The following DIP2A variants were observed in gnomAD, a reference collection of about 807,000 sequenced individuals.
DIP2A encodes the protein disco-interacting protein 2 homolog A.
DIP2A carries 85 observed loss-of-function variants against 177.4 expected under a neutral mutation model. The observed-to-expected ratio is 0.48, with a 90% CI of 0.40 to 0.57. DIP2A has a LOEUF of 0.57. DIP2A is among the 20% of genes least tolerant of loss of function. The pLI is 0.00. For missense variants in DIP2A, 1,791 were observed against 2,100.2 expected (o/e 0.85, Z 2.88); for synonymous variants, 886 against 881.8 (o/e 1.00, Z -0.08).
intron 4 of DIP2A, among the ~76,000 whole-genome samples, 200 bp downstream of exon 4, chr21:46,497,307 G>C (rs897748880): frequency 1.3e-5 from 2 of 152,114 alleles, no homozygotes; most frequent in African/African-American, 4.8e-5. Context: ...TACCCAAATG[G>C]GTACTTGCTT....
At chr21:46,463,957 C>G in intron 1 of DIP2A, among the ~76,000 whole-genome samples, 1 of 151,770 alleles carries the variant, frequency 6.6e-6, no homozygotes, top group Non-Finnish European at 1.5e-5. Context: ...ATCCACCTGC[C>G]TCGGCCTCCC....
chr21:46,528,588 C>T (rs1486001172), intron 8 of DIP2A, among the ~76,000 whole-genome samples: 2 of 116,114 alleles, frequency 1.7e-5, no homozygotes, highest in Admixed American at 2.1e-4. Context: ...CTTTATTGCC[C>T]AGGCTGGCTC....
chr21:46,488,439 G>A (rs1454194827), intron 2 of DIP2A, among the ~76,000 whole-genome samples: 2 of 152,248 alleles, frequency 1.3e-5, no homozygotes, highest in Non-Finnish European at 2.9e-5. Flanking sequence ...GCTGCTACTC[G>A]CCAGGCCACA....
chr21:46,573,387 C>CA (rs1378747202), downstream of DIP2A, among the ~76,000 whole-genome samples: 4 of 151,910 alleles, frequency 2.6e-5, no homozygotes, highest in Admixed American at 2.0e-4. Context: ...TCACTGGGCA[C>CA]AGTGGCTCAT....
chr21:46,516,412 TTTCTTA>T (rs1272146843), intron 8 of DIP2A, among the ~76,000 whole-genome samples: 1 of 151,686 alleles, frequency 6.6e-6, no homozygotes, highest in Non-Finnish European at 1.5e-5. Flanking sequence ...TTTTGCATTC[TTTCTTA>T]TATATACTTC....
intron 8 of DIP2A, among the ~76,000 whole-genome samples, chr21:46,527,012 C>T (rs552946112): frequency 0.019 from 2,886 of 152,164 alleles, 84 homozygotes; most frequent in African/African-American, 0.065. Flanking sequence ...AGTATGTTTC[C>T]TTTTATTCTG....
intron 19 of DIP2A, 139 bp downstream of exon 19, chr21:46,545,412 C>G: frequency 9.7e-7 from 1 of 1,027,492 alleles, no homozygotes; most frequent in Non-Finnish European, 1.4e-6. Flanking sequence ...GGGCTGTTGG[C>G]ACATGGCCTG....
At position 46,541,632 on chromosome 21, in the gene DIP2A, T is replaced by C; in HGVS notation, c.2037-124T>C. ...TTGCAGCATCTTTAGAACATGCGTT[T>C]CTCACAAGTCTGTAACATGGAGCAG... On this transcript the variant is annotated intron_variant, in intron 17 of 37. Coordinates refer to ENST00000417564, the MANE Select transcript of DIP2A (RefSeq NM_015151.4). The C allele has an allele frequency of 7.0e-6, 8 of 1,142,648 alleles. No individual in the cohort carries two copies. In the South Asian group the frequency reaches 1.1e-4, roughly 16 times the overall value. The allele number at this position is 1,142,648 out of a possible 1,614,324, so 70.8% of individuals were successfully genotyped here.
chr21:46,549,913 C>G, intron 22 of DIP2A, 28 bp downstream of exon 22: 2 of 1,606,656 alleles, frequency 1.2e-6, no homozygotes, highest in Non-Finnish European at 1.7e-6. Flanking sequence ...GCCTATGGTT[C>G]GGTGAATCTC....
At chr21:46,572,475 A>G (rs1045837296), downstream of DIP2A, among the ~76,000 whole-genome samples, 2 of 152,220 alleles carry the variant, frequency 1.3e-5, no homozygotes, top group African/African-American at 4.8e-5. Context: ...ATGTGGCAGT[A>G]TTAAGAGGTG....
intron 8 of DIP2A, among the ~76,000 whole-genome samples, chr21:46,515,298 G>T (rs567651710): frequency 1.3e-5 from 2 of 152,330 alleles, no homozygotes; most frequent in South Asian, 4.1e-4. Flanking sequence ...TGTGGAGACT[G>T]TCAGTTCTAC....
chr21:46,557,682 G>T lies in DIP2A; in HGVS notation c.3727G>T (p.Val1243Phe). 2 of 1,613,604 alleles carry T rather than the reference G, an allele frequency of 1.2e-6. No homozygotes were observed. The highest frequency in any genetic ancestry group is 8.5e-7 in the Non-Finnish European group (1 of 1,179,848). The change falls in exon 31 of 38, where the codon GTC becomes TTC. Residue 1243 changes from valine (V) to phenylalanine (F), a missense_variant. Transcript: ENST00000417564. The surrounding 1 kb of genome is among the most constrained non-coding windows in gnomAD (Gnocchi z 6.0). ...LSAVSQYKARVTFCSYSVMEM... is the reference protein window; with the variant it reads ...LSAVSQYKARFTFCSYSVMEM... Reference sequence around the variant, plus strand: ...GGCCGTCAGCCAGTACAAGGCCCGCGTCACCTTCTGCTCCTACTCTGTGAT... The same window carrying T: ...GGCCGTCAGCCAGTACAAGGCCCGCTTCACCTTCTGCTCCTACTCTGTGAT...
rs2148839934 is a variant in DIP2A at position 46,545,937 on chromosome 21, A to G, written c.2370A>G (p.Thr790=). The G allele has an allele frequency of 6.2e-7, 1 of 1,613,986 alleles. No individual in the cohort carries two copies. Among genetic ancestry groups the G allele is most frequent in the East Asian group, 2.2e-5 (1 of 44,878 alleles). ...APIFDRPFTR[T]GLLGFIGPDN... ...TCTTTGACAGGCCATTCACCAGGAC[A>G]GGCCTGCTGGGCTTCATCGGGCCTG... The change falls in exon 20 of 38, where the codon ACA becomes ACG. Residue 790 remains threonine (T), a synonymous_variant. Coordinates refer to ENST00000417564, the MANE Select transcript of DIP2A (RefSeq NM_015151.4).
At chr21:46,575,126 T>A in the DIP2A span, among the ~76,000 whole-genome samples, 1 of 152,054 alleles carries the variant, frequency 6.6e-6, no homozygotes, top group South Asian at 2.1e-4. Context: ...ATTCAATATA[T>A]AAAACAATCA....
At position 46,556,468 on chromosome 21, in the gene DIP2A, G is replaced by A. The variant is rs1455983103; in HGVS notation, c.3498+377G>A. ...GGAGGCCGAGGCGGGTGGATCACAA[G>A]ATCAAGAGATGGAGACCATCCTGGC... On this transcript the variant is annotated intron_variant, in intron 29 of 37. Transcript: ENST00000417564. The surrounding 1 kb of genome is among the most constrained non-coding windows in gnomAD (Gnocchi z 4.5). The A allele has an allele frequency of 2.8e-5, 29 of 1,017,736 alleles. No individual in the cohort carries two copies. The highest frequency in any genetic ancestry group is 3.5e-5 in the Non-Finnish European group (26 of 735,466). 63.0% of individuals were successfully genotyped at this position (1,017,736 alleles called of 1,614,324 possible).
Position 46,567,567 on chromosome 21 carries a change from G to C in DIP2A, c.4661G>C (p.Arg1554Pro). The C allele has an allele frequency of 6.2e-7, 1 of 1,613,020 alleles. No homozygotes were observed. The highest frequency in any genetic ancestry group is 8.5e-7 in the Non-Finnish European group (1 of 1,179,272). ...SRGEKQRMHL[R>P]DGFLADQLDP... The stretch of plus-strand genomic sequence containing the variant: ...GGTGAGAAGCAGCGCATGCACCTGC[G>C]GGACGGCTTCCTGGCTGACCAGCTG... The change falls in exon 38 of 38, where the codon CGG becomes CCG. Residue 1554 changes from arginine to proline, a missense_variant. Physicochemically the swap from Arg to Pro is moderately radical, Grantham distance 103. Transcript: ENST00000417564.
rs984116631 is a variant in DIP2A, at chr21:46,539,730, G to A, written c.1922-147G>A. Reference sequence around the variant, plus strand: ...TCCTTGAAGAACATGAAGTCTGAGGGTACCTGTGAAGGGGCCCCTTCCTTC... The same window carrying A: ...TCCTTGAAGAACATGAAGTCTGAGGATACCTGTGAAGGGGCCCCTTCCTTC... On this transcript the variant is annotated intron_variant, in intron 16 of 37. Transcript: ENST00000417564. 9.9e-6 allele frequency: 7 copies of A among 708,630 alleles called. No homozygotes were observed. In the African/African-American group the frequency reaches 1.0e-4, roughly 11 times the overall value. The allele number at this position is 708,630 out of a possible 1,614,324, so 43.9% of individuals were successfully genotyped here.
intron 35 of DIP2A, 117 bp from the exon 36 acceptor site, chr21:46,565,596 G>A (rs545615773): frequency 3.6e-5 from 38 of 1,056,096 alleles, no homozygotes; most frequent in East Asian, 1.6e-4. Flanking sequence ...AATATTATCC[G>A]CCCCGACTTC....
intron 35 of DIP2A, among the ~76,000 whole-genome samples, chr21:46,564,407 CG>C: frequency 6.6e-6 from 1 of 152,264 alleles, no homozygotes; most frequent in South Asian, 2.1e-4. Flanking sequence ...GTGGAGGGTG[CG>C]GGTCTCCCTG....
Sources: allele counts gnomAD v4.1 joint callset (sites outside exome capture counted in the v4.1 genomes callset), GRCh38; gene constraint gnomAD v4.1.1; non-coding constraint Gnocchi (gnomAD v3.1); transcripts MANE v1.5; gene names NCBI Gene and HGNC (gene_info 2026-07-23, HGNC 2026-07-21).